The following RNF152 variants were observed in gnomAD, a reference collection of about 807,000 sequenced individuals.
RNF152 encodes the protein E3 ubiquitin-protein ligase RNF152.
A neutral mutation model predicts 12.7 loss-of-function variants in RNF152; 11 were observed. The observed-to-expected ratio is 0.86, with a 90% CI of 0.54 to 1.43. The LOEUF (loss-of-function observed/expected upper bound fraction) is 1.43. Among genes scored for constraint, RNF152 ranks in the 40% most tolerant of loss-of-function variants. RNF152 has a pLI of 0.00. For missense variants in RNF152, 255 were observed against 274.8 expected (o/e 0.93, Z 0.51); for synonymous variants, 113 against 120.3 (o/e 0.94, Z 0.40).
rs1912898259 is a variant in RNF152, at chr18:61,810,129, T to C, written c.*5723A>G. The C allele has an allele frequency of 6.6e-6, 1 of 152,196 alleles. No homozygotes were observed. Among genetic ancestry groups the C allele is most frequent in the Non-Finnish European group, 1.5e-5 (1 of 68,034 alleles). The allele number at this position is 152,196 out of a possible 1,614,324, so 9.4% of individuals were successfully genotyped here. A position where few individuals can be genotyped will look rare whatever the true frequency, so the allele number is the denominator to read the frequency against. On this transcript the variant is annotated 3_prime_UTR_variant, in exon 2 of 2. Transcript: ENST00000312828. ...GTGTTTATATAGACACTCCCAAAGG[T>C]AGTTAGTTTGACATAATGTATGCAG...
chr18:61,823,553 C>A (rs1485130091), intron 1 of RNF152, among the ~76,000 whole-genome samples: 1 of 152,224 alleles, frequency 6.6e-6, no homozygotes, highest in Non-Finnish European at 1.5e-5. Flanking sequence ...CCCGTCTCAG[C>A]CTCTCAAAGT....
At chr18:61,836,803 G>T (rs1223502086) in intron 1 of RNF152, among the ~76,000 whole-genome samples, 2 of 152,122 alleles carry the variant, frequency 1.3e-5, no homozygotes, top group Non-Finnish European at 2.9e-5. Context: ...AGAAAGGCAG[G>T]AATAGAAGGG....
At chr18:61,866,059 C>T (rs190887293) in intron 1 of RNF152, among the ~76,000 whole-genome samples, 294 of 152,270 alleles carry the variant, frequency 1.9e-3, no homozygotes, top group African/African-American at 6.7e-3. Flanking sequence ...CTTATGTCTG[C>T]GTGGAGGAAC....
intron 1 of RNF152, among the ~76,000 whole-genome samples, chr18:61,864,676 T>C (rs372908375): frequency 5.7e-4 from 87 of 152,300 alleles, no homozygotes; most frequent in African/African-American, 2.0e-3. Context: ...TTGGTTCCTC[T>C]GGCGACCAGC....
chr18:61,868,651 C>G (rs1308625392), intron 1 of RNF152, among the ~76,000 whole-genome samples: 1 of 151,942 alleles, frequency 6.6e-6, no homozygotes, highest in African/African-American at 2.4e-5. Flanking sequence ...TGCAGTGAGC[C>G]AAGATCACCC....
chr18:61,818,769 C>T (rs1909237580), intron 1 of RNF152, among the ~76,000 whole-genome samples: 1 of 152,274 alleles, frequency 6.6e-6, no homozygotes, highest in African/African-American at 2.4e-5. Flanking sequence ...TATATTTTTT[C>T]TTTCATTCAT....
chr18:61,817,545 C>A (rs901106557), intron 1 of RNF152, among the ~76,000 whole-genome samples: 1 of 152,036 alleles, frequency 6.6e-6, no homozygotes, highest in Admixed American at 6.5e-5. Context: ...CCCTGTATAC[C>A]GAGGGCCATC....
At chr18:61,888,566 T>C (rs1912803156) in intron 1 of RNF152, 1 of 152,258 alleles carries the variant, frequency 6.6e-6, no homozygotes, top group Non-Finnish European at 1.5e-5. Flanking sequence ...GCCCCCATTG[T>C]AGGCTAATGC....
chr18:61,882,833 T>A (rs9958268), intron 1 of RNF152, among the ~76,000 whole-genome samples: 114,360 of 152,014 alleles, frequency 0.75, 43,471 homozygotes, highest in African/African-American at 0.87. Context: ...CTTTGGAAAG[T>A]AAACACTGGG....
chr18:61,808,852 G>T lies in RNF152; in HGVS notation c.*7000C>A, dbSNP rs919862897. 2 of 152,212 alleles carry T rather than the reference G, an allele frequency of 1.3e-5. No individual in the cohort carries two copies. The highest frequency in any genetic ancestry group is 4.8e-5 in the African/African-American group (2 of 41,430). 9.4% of individuals were successfully genotyped at this position (152,212 alleles called of 1,614,324 possible). A position where few individuals can be genotyped will look rare whatever the true frequency, so the allele number is the denominator to read the frequency against. On this transcript the variant is annotated 3_prime_UTR_variant, in exon 2 of 2. Transcript: ENST00000312828. ...CTGACGTGGCAACCAACTCTAGAGC[G>T]GACTCTGAAATTGCCTAGTGTGCTA...
chr18:61,810,492 T>C lies in RNF152; in HGVS notation c.*5360A>G, dbSNP rs1912922516. ...GAAACCCCGTCTCTACTTTAAAAAA[T>C]ACAAAATTAGCTGGGCATGGAGGCG... On this transcript the variant is annotated 3_prime_UTR_variant, in exon 2 of 2. Transcript: ENST00000312828. 6.6e-6 allele frequency: 1 copy of C among 152,050 alleles called. No homozygotes were observed. Among genetic ancestry groups the C allele is most frequent in the Non-Finnish European group, 1.5e-5 (1 of 68,034 alleles). 9.4% of individuals were successfully genotyped at this position (152,050 alleles called of 1,614,324 possible).
chr18:61,872,290 G>C (rs1005912668), intron 1 of RNF152, among the ~76,000 whole-genome samples: 2 of 152,134 alleles, frequency 1.3e-5, no homozygotes, highest in African/African-American at 4.8e-5. Flanking sequence ...AACACTGGGG[G>C]TTACAATTCA....
At chr18:61,875,720 CCACT>C (rs1201265357) in intron 1 of RNF152, among the ~76,000 whole-genome samples, 2 of 152,164 alleles carry the variant, frequency 1.3e-5, no homozygotes, top group Non-Finnish European at 2.9e-5. Flanking sequence ...GTATGTCTCA[CCACT>C]CATTCAATTA....
chr18:61,892,481 G>A (rs1488962628), intron 1 of RNF152, among the ~76,000 whole-genome samples: 2 of 152,080 alleles, frequency 1.3e-5, no homozygotes, highest in East Asian at 3.9e-4. Flanking sequence ...TAAGAAAGCA[G>A]GCATCTATGG....
At chr18:61,847,945 G>A (rs1910810121) in intron 1 of RNF152, among the ~76,000 whole-genome samples, 1 of 152,052 alleles carries the variant, frequency 6.6e-6, no homozygotes, top group African/African-American at 2.4e-5. Flanking sequence ...CACATTGCAA[G>A]CTCTCACCAC....
chr18:61,858,892 C>A (rs1911339773), intron 1 of RNF152, among the ~76,000 whole-genome samples: 1 of 152,158 alleles, frequency 6.6e-6, no homozygotes, highest in Non-Finnish European at 1.5e-5. Flanking sequence ...GGTCAGCAAG[C>A]CTGAGACAAA....
intron 1 of RNF152, chr18:61,887,930 A>G (rs2144772020): frequency 6.6e-6 from 1 of 152,276 alleles, no homozygotes; most frequent in South Asian, 2.1e-4. Context: ...AGCACAGAAC[A>G]CAGCATTTGG....
intron 1 of RNF152, among the ~76,000 whole-genome samples, chr18:61,826,567 T>C (rs565933493): frequency 3.3e-5 from 5 of 152,028 alleles, no homozygotes; most frequent in Admixed American, 1.3e-4. Context: ...TATAAACTTT[T>C]TTTCCTCTTT....
chr18:61,808,111 A>G lies in RNF152; in HGVS notation c.*7741T>C, dbSNP rs1912778583. ...CTTTAATCATAGCAAATGTGTTTTT[A>G]CGGTAGTCATAAAATCAACATTACC... is the stretch of plus-strand genomic sequence containing the variant. On this transcript the variant is annotated 3_prime_UTR_variant, in exon 2 of 2. Coordinates refer to ENST00000312828, the MANE Select transcript of RNF152 (RefSeq NM_173557.3). 1 of 152,134 alleles carries G rather than the reference A, an allele frequency of 6.6e-6. No individual in the cohort carries two copies. The highest frequency in any genetic ancestry group is 1.5e-5 in the Non-Finnish European group (1 of 68,034). 9.4% of individuals were successfully genotyped at this position (152,134 alleles called of 1,614,324 possible). A position where few individuals can be genotyped will look rare whatever the true frequency, so the allele number is the denominator to read the frequency against.
Sources: gnomAD v4.1 joint callset for allele counts (sites outside exome capture counted in the v4.1 genomes callset) on GRCh38, gnomAD v4.1.1 for gene constraint, MANE v1.5 for transcripts, NCBI Gene and HGNC (gene_info 2026-07-23, HGNC 2026-07-21) for gene names.